Variants in SPINT2 observed in about 807,000 individuals in gnomAD.
SPINT2 encodes the protein kunitz-type protease inhibitor 2.
A neutral mutation model predicts 30.1 loss-of-function variants in SPINT2; 18 were observed. The observed-to-expected ratio is 0.60, with a 90% CI of 0.41 to 0.89. The LOEUF (loss-of-function observed/expected upper bound fraction) is 0.89, where lower values mean the gene tolerates loss of function less well. Ranked by LOEUF, SPINT2 falls within the 40% of genes least tolerant of loss-of-function variation. The pLI, the probability that SPINT2 is intolerant of heterozygous loss-of-function variation, is 0.00. For missense variants in SPINT2, 276 were observed against 334.3 expected, an observed-to-expected ratio of 0.83 and a Z score of 1.36; for synonymous variants, 139 against 137.9, an observed-to-expected ratio of 1.01 and a Z score of -0.05.
chr19:38,268,766 C>CGTGTGTGTGT (rs10526704), intron 1 of SPINT2, among the ~76,000 whole-genome samples: 20 of 149,922 alleles, frequency 1.3e-4, no homozygotes, highest in African/African-American at 4.9e-4. Context: ...TGCGCGCGCG[C>CGTGTGTGTGT]GTGTGTGTGT....
At chr19:38,268,139 G>A (rs1968402145) in intron 1 of SPINT2, among the ~76,000 whole-genome samples, 3 of 152,078 alleles carry the variant, frequency 2.0e-5, no homozygotes, top group African/African-American at 7.2e-5. Flanking sequence ...TAACTCAGGG[G>A]TCGGGGCTTC....
intron 1 of SPINT2, among the ~76,000 whole-genome samples, chr19:38,269,896 A>G (rs1054437199): frequency 1.3e-5 from 2 of 152,204 alleles, no homozygotes; most frequent in African/African-American, 2.4e-5. Context: ...GGCGTGAGCC[A>G]CCGCGCCCGG....
chr19:38,291,801 C>A, intron 6 of SPINT2, 39 bp from the exon 7 acceptor site: 1 of 1,607,068 alleles, frequency 6.2e-7, no homozygotes, highest in South Asian at 1.1e-5. Flanking sequence ...TGCAACTCCC[C>A]TTGCCTGGCC....
intron 1 of SPINT2, among the ~76,000 whole-genome samples, chr19:38,280,204 C>T (rs1968564913): frequency 6.6e-6 from 1 of 152,146 alleles, no homozygotes; most frequent in Admixed American, 6.5e-5. Flanking sequence ...ACAGCAGCAC[C>T]CCAGAAAGGA....
At position 38,291,854 on chromosome 19, in the gene SPINT2, G is replaced by C; in HGVS notation, c.607G>C (p.Gly203Arg). 6.2e-7 allele frequency: 1 copy of C among 1,612,738 alleles called. No individual in the cohort carries two copies. Among genetic ancestry groups the C allele is most frequent in the Non-Finnish European group, 8.5e-7 (1 of 1,179,926 alleles). Residue 203 changes from glycine to arginine, a missense_variant, in exon 7 of 7, where the codon GGG becomes CGG. Gly to Arg is a moderately radical substitution (Grantham distance 125, BLOSUM62 -2). Coordinates refer to ENST00000301244, the MANE Select transcript of SPINT2 (RefSeq NM_021102.4). ...PLGSKVVVLA[G>R]LFVMVLILFL... ...CTCGTCCTCAGTGGTGGTTCTGGCG[G>C]GGCTGTTCGTGATGGTGTTGATCCT...
chr19:38,290,779 C>G lies in SPINT2; in HGVS notation c.592+204C>G. On this transcript the variant is annotated intron_variant, in intron 6 of 6. Transcript: ENST00000301244. This position sits in a 1 kb window ranked among gnomAD's most constrained non-coding sequence, Gnocchi z 4.3. ...AGTTGGGGCTGGAGTGAGTCAGTCA[C>G]AAGGCAGGCCCTGCCCAGGCGGCGT... 1 of 737,032 alleles carries G rather than the reference C, an allele frequency of 1.4e-6. No homozygotes were observed. The allele number at this position is 737,032 out of a possible 1,614,324, so 45.7% of individuals were successfully genotyped here. A position where few individuals can be genotyped will look rare whatever the true frequency, so the allele number is the denominator to read the frequency against.
At chr19:38,273,794 C>T (rs1327175279) in intron 1 of SPINT2, among the ~76,000 whole-genome samples, 1 of 152,168 alleles carries the variant, frequency 6.6e-6, no homozygotes, top group African/African-American at 2.4e-5. Flanking sequence ...TGTATATCCT[C>T]TTCCTCCTTA....
chr19:38,283,160 A>G (rs912875607), intron 1 of SPINT2, among the ~76,000 whole-genome samples: 6 of 151,236 alleles, frequency 4.0e-5, no homozygotes, highest in Admixed American at 2.6e-4. Flanking sequence ...AAAAGTTCAG[A>G]AAAAAAAAGC....
At chr19:38,272,351 A>G (rs942961882) in intron 1 of SPINT2, among the ~76,000 whole-genome samples, 2 of 152,168 alleles carry the variant, frequency 1.3e-5, no homozygotes, top group African/African-American at 2.4e-5. Flanking sequence ...ATAGATATAT[A>G]GTATGTCTGT....
chr19:38,264,711 C>A lies in SPINT2; in HGVS notation c.-182C>A, dbSNP rs1427611341. 1.6e-6 allele frequency: 1 copy of A among 615,770 alleles called. No homozygotes were observed. The highest frequency in any genetic ancestry group is 2.0e-5 in the South Asian group (1 of 51,088). The allele number at this position is 615,770 out of a possible 1,614,324, so 38.1% of individuals were successfully genotyped here. A position where few individuals can be genotyped will look rare whatever the true frequency, so the allele number is the denominator to read the frequency against. ...ATCGCGCGCCGAGAAGGCCGGGCGT[C>A]CCCACACTGAAGGTCCGGAAAGGCG... On this transcript the variant is annotated 5_prime_UTR_variant, in exon 1 of 7. Transcript: ENST00000301244.
In SPINT2 at chr19:38,290,023, C is replaced by T. The variant is rs1381736960; in HGVS notation, c.392-96C>T. 4 of 1,329,880 alleles carry T rather than the reference C, an allele frequency of 3.0e-6. No homozygotes were observed. Among genetic ancestry groups the T allele is most frequent in the Non-Finnish European group, 4.3e-6 (4 of 927,640 alleles). The allele number at this position is 1,329,880 out of a possible 1,614,324, so 82.4% of individuals were successfully genotyped here. ...CTTTACCAGAGAGATGTTTCTCCGT[C>T]TGCTGGAGCCGCAAGCCTCCTCAGG... is the stretch of plus-strand genomic sequence containing the variant. On this transcript the variant is annotated intron_variant, in intron 4 of 6. Coordinates refer to ENST00000301244, the MANE Select transcript of SPINT2 (RefSeq NM_021102.4). The surrounding 1 kb of genome is among the most constrained non-coding windows in gnomAD (Gnocchi z 4.3).
At position 38,287,856 on chromosome 19, in the gene SPINT2, G is replaced by C; in HGVS notation, c.278-20G>C. The C allele has an allele frequency of 1.9e-6, 3 of 1,614,122 alleles. No individual in the cohort carries two copies. Among genetic ancestry groups the C allele is most frequent in the South Asian group, 1.1e-5 (1 of 91,082 alleles). ...CTCTCGAAAGCTCTTTCACTGTGCT[G>C]TTTCTTTGTCCCCTTGCAGAGAATG... On this transcript the variant is annotated intron_variant, in intron 2 of 6. Transcript: ENST00000301244.
Position 38,268,766 on chromosome 19 carries a change from C to CGCGTGTGTGTGTGTGTGTGTGTGTGTGT in SPINT2, c.106+3769_106+3770insCGTGTGTGTGTGTGTGTGTGTGTGTGTG, listed in dbSNP as rs375982086. On this transcript the variant is annotated intron_variant, in intron 1 of 6. Coordinates refer to ENST00000301244, the MANE Select transcript of SPINT2 (RefSeq NM_021102.4). ...GACAGAGAGAGAGCATGCGCGCGCGCGTGTGTGTGTGTGTGTGTGTGTGTT... is the reference window on the plus strand; with the variant it reads ...GACAGAGAGAGAGCATGCGCGCGCGCGCGTGTGTGTGTGTGTGTGTGTGTGTGTGTGTGTGTGTGTGTGTGTGTGTGTT... Among the ~76,000 whole-genome samples, 4 of 149,922 alleles carry CGCGTGTGTGTGTGTGTGTGTGTGTGTGT rather than the reference C, an allele frequency of 2.7e-5. No individual in the cohort carries two copies. In the East Asian group the frequency reaches 8.0e-4, roughly 30 times the overall value.
At chr19:38,272,469 A>G (rs1310342069) in intron 1 of SPINT2, among the ~76,000 whole-genome samples, 2 of 152,224 alleles carry the variant, frequency 1.3e-5, no homozygotes, top group Admixed American at 6.5e-5. Flanking sequence ...AGAGGGTCCA[A>G]GAGCTTTCCT....
intron 1 of SPINT2, among the ~76,000 whole-genome samples, chr19:38,274,634 A>G (rs1348270572): frequency 2.0e-5 from 3 of 152,204 alleles, no homozygotes; most frequent in East Asian, 3.9e-4. Flanking sequence ...CCTGGCCAGC[A>G]CAGCAAAACC....
chr19:38,265,218 T>G, intron 1 of SPINT2: 1 of 500,120 alleles, frequency 2.0e-6, no homozygotes. Context: ...TTAGGAGAGT[T>G]TCCTTCGGGT....
chr19:38,278,847 T>C (rs1331259786), intron 1 of SPINT2, among the ~76,000 whole-genome samples: 6 of 152,060 alleles, frequency 3.9e-5, no homozygotes, highest in Non-Finnish European at 5.9e-5. Flanking sequence ...AATGAGAAAA[T>C]GCACTGTTGT....
rs755035479 is a variant in SPINT2 at position 38,290,069 on chromosome 19, C to T, written c.392-50C>T. ...TCAGGCACTTTCTGGCTTGCTTCCC[C>T]TCCTTGCGGGCCCTACTAATTTGTA... On this transcript the variant is annotated intron_variant, in intron 4 of 6. Coordinates refer to ENST00000301244, the MANE Select transcript of SPINT2 (RefSeq NM_021102.4). This position sits in a 1 kb window ranked among gnomAD's most constrained non-coding sequence, Gnocchi z 4.3. 2 of 1,609,610 alleles carry T rather than the reference C, an allele frequency of 1.2e-6. No homozygotes were observed. Among genetic ancestry groups the T allele is most frequent in the South Asian group, 2.2e-5 (2 of 90,930 alleles).
chr19:38,280,342 T>A (rs1968566536), intron 1 of SPINT2, among the ~76,000 whole-genome samples: 1 of 152,216 alleles, frequency 6.6e-6, no homozygotes, highest in Non-Finnish European at 1.5e-5. Context: ...TAAACTAACT[T>A]TATTCTGACT....
Sources: gnomAD v4.1 joint callset for allele counts (sites outside exome capture counted in the v4.1 genomes callset) on GRCh38, gnomAD v4.1.1 for gene constraint, Gnocchi (gnomAD v3.1) non-coding constraint, MANE v1.5 for transcripts, NCBI Gene and HGNC (gene_info 2026-07-23, HGNC 2026-07-21) for gene names.